Variants in LPP observed in about 807,000 individuals in gnomAD.
LPP encodes the protein lipoma-preferred partner.
In LPP, 38 loss-of-function variants were observed where a neutral mutation model predicts 60.4. The observed-to-expected ratio is 0.63, with a 90% CI of 0.49 to 0.83. LPP has a LOEUF of 0.83. Among genes scored for constraint, LPP ranks in the 40% least tolerant of loss-of-function variants. The probability of loss-of-function intolerance (pLI) is 0.00; values close to 1 mark genes in which losing one functional copy is unlikely to be tolerated. For synonymous variants in LPP, 328 were observed against 290.8 expected (o/e 1.13, Z -1.30); for missense variants, 902 against 783.6 (o/e 1.15, Z -1.80).
At position 188,275,213 on chromosome 3, in the gene LPP, C is replaced by T. The variant is rs575285541; in HGVS notation, c.-67+49686C>T. Among the ~76,000 whole-genome samples the T allele has an allele frequency of 2.6e-5, 4 of 152,284 alleles. No homozygotes were observed. The South Asian group carries it at 8.3e-4, about 32-fold the overall frequency. On this transcript the variant is annotated intron_variant, in intron 2 of 11. Transcript: ENST00000617246. ...ACATAACTGTACAGAGTACATTTCC[C>T]TTGATTCTCTGTTTCCACAGAGAGG... is the stretch of plus-strand genomic sequence containing the variant.
intron 7 of LPP, among the ~76,000 whole-genome samples, chr3:188,627,748 C>T (rs1221361066): frequency 6.6e-6 from 1 of 152,068 alleles, no homozygotes; most frequent in Non-Finnish European, 1.5e-5. Context: ...TGGGACCCAA[C>T]ACTTGACCAA....
intron 6 of LPP, among the ~76,000 whole-genome samples, chr3:188,547,784 G>A (rs1560547651): frequency 6.6e-6 from 1 of 152,086 alleles, no homozygotes; most frequent in African/African-American, 2.4e-5. Context: ...CCGTAGCTGG[G>A]GACTCTGTTC....
intron 1 of LPP, among the ~76,000 whole-genome samples, chr3:188,165,478 TAG>T (rs1719660817): frequency 6.6e-6 from 1 of 152,080 alleles, no homozygotes. Flanking sequence ...CTTGAAAAAT[TAG>T]AGTCATGAAG....
intron 5 of LPP, among the ~76,000 whole-genome samples, chr3:188,508,555 T>C (rs372415963): frequency 6.6e-6 from 1 of 152,230 alleles, no homozygotes; most frequent in Non-Finnish European, 1.5e-5. Flanking sequence ...CAGGGTGCTA[T>C]GAATAATGCC....
intron 6 of LPP, among the ~76,000 whole-genome samples, chr3:188,547,882 G>C (rs957355738): frequency 2.4e-4 from 36 of 152,250 alleles, no homozygotes; most frequent in African/African-American, 7.7e-4. Context: ...TCTGGAGCGT[G>C]GCTGAGCATC....
At chr3:188,479,789 G>A (rs75379608) in intron 4 of LPP, among the ~76,000 whole-genome samples, 144 of 152,324 alleles carry the variant, frequency 9.5e-4, no homozygotes, top group African/African-American at 3.4e-3. Context: ...ATATTTAGAT[G>A]AAGAAGAGCA....
intron 4 of LPP, among the ~76,000 whole-genome samples, chr3:188,421,695 A>G (rs1787854352): frequency 6.6e-6 from 1 of 152,072 alleles, no homozygotes; most frequent in Non-Finnish European, 1.5e-5. Context: ...CAGCTTTTAT[A>G]TTGTGAAAGT....
At position 188,880,914 on chromosome 3, in the gene LPP, AG is replaced by A. The variant is rs1769894259; in HGVS notation, c.*6437del. ...GGGAGGCCAAGGCGGGCCGATCACG[AG>A]GTCAGGAGATCGAGACCATCCTGGC... is the stretch of plus-strand genomic sequence containing the variant. On this transcript the variant is annotated 3_prime_UTR_variant, in exon 12 of 12. Transcript: ENST00000617246. The A allele has an allele frequency of 5.9e-6, 1 of 168,274 alleles. No individual in the cohort carries two copies. The allele number at this position is 168,274 out of a possible 1,614,324, so 10.4% of individuals were successfully genotyped here.
chr3:188,716,957 A>G (rs988342110), intron 8 of LPP, among the ~76,000 whole-genome samples: 3 of 152,218 alleles, frequency 2.0e-5, no homozygotes, highest in Non-Finnish European at 2.9e-5. Flanking sequence ...TTCAACTAAC[A>G]TTTATATAAT....
intron 7 of LPP, among the ~76,000 whole-genome samples, chr3:188,611,117 G>T (rs1334482949): frequency 6.6e-6 from 1 of 152,166 alleles, no homozygotes; most frequent in African/African-American, 2.4e-5. Flanking sequence ...TGTCCTATGT[G>T]AATTTCACAT....
intron 6 of LPP, among the ~76,000 whole-genome samples, chr3:188,548,936 T>A (rs1021798741): frequency 6.6e-6 from 1 of 152,284 alleles, no homozygotes; most frequent in African/African-American, 2.4e-5. Context: ...TAGGAATAGG[T>A]TCTAGTGTTC....
chr3:188,772,164 C>A lies in LPP; in HGVS notation c.1410+11882C>A, dbSNP rs541921298. On this transcript the variant is annotated intron_variant, in intron 9 of 11. Transcript: ENST00000617246. The stretch of plus-strand genomic sequence containing the variant: ...TGTTTGCATTCTTATCTCCCATCAG[C>A]TCTCCTACACATTCTTTTTACAACA... Among the ~76,000 whole-genome samples the A allele has an allele frequency of 2.6e-5, 4 of 152,314 alleles. No homozygotes were observed. In the East Asian group the frequency reaches 7.7e-4, roughly 29 times the overall value.
chr3:188,312,737 T>C (rs889853497), intron 2 of LPP: 1 of 152,180 alleles, frequency 6.6e-6, no homozygotes, highest in Non-Finnish European at 1.5e-5. Context: ...GCTACCTTTA[T>C]TGTATATTAA....
chr3:188,354,081 A>G (rs1393690553), intron 3 of LPP, among the ~76,000 whole-genome samples: 3 of 152,114 alleles, frequency 2.0e-5, no homozygotes, highest in Non-Finnish European at 4.4e-5. Flanking sequence ...TATTCATTAG[A>G]TGACATTCAT....
intron 1 of LPP, among the ~76,000 whole-genome samples, chr3:188,173,921 C>T (rs1189991534): frequency 6.6e-6 from 1 of 152,212 alleles, no homozygotes; most frequent in Non-Finnish European, 1.5e-5. Context: ...CCAGGCTCCT[C>T]CACCTTTCCC....
At chr3:188,416,692 C>A (rs1000734969) in intron 4 of LPP, among the ~76,000 whole-genome samples, 1 of 152,142 alleles carries the variant, frequency 6.6e-6, no homozygotes, top group African/African-American at 2.4e-5. Context: ...AGACACCAAT[C>A]GTTTGCATAT....
chr3:188,839,888 A>G (rs149834982), intron 9 of LPP, among the ~76,000 whole-genome samples: 1 of 152,154 alleles, frequency 6.6e-6, no homozygotes, highest in African/African-American at 2.4e-5. Flanking sequence ...AAAATAAAAT[A>G]AAATTAAATT....
chr3:188,402,410 A>G (rs1578631048), intron 3 of LPP, among the ~76,000 whole-genome samples: 1 of 152,248 alleles, frequency 6.6e-6, no homozygotes, highest in Non-Finnish European at 1.5e-5. Context: ...CTTTATCAAC[A>G]TATTTCATTA....
Position 188,289,103 on chromosome 3 carries a change from A to G in LPP, c.-66-52560A>G, listed in dbSNP as rs1435487965. ...ATTGAGAATAAAGTTTTGAGTGAAAATGGACAACTGAAGCTTCTAAGCTTT... is the reference window on the plus strand; with the variant it reads ...ATTGAGAATAAAGTTTTGAGTGAAAGTGGACAACTGAAGCTTCTAAGCTTT... On this transcript the variant is annotated intron_variant, in intron 2 of 11. Transcript: ENST00000617246. 2.6e-5 allele frequency among the ~76,000 whole-genome samples: 4 copies of G among 152,198 alleles called. No homozygotes were observed. The East Asian group carries it at 7.7e-4, about 29-fold the overall frequency.
Sources: allele counts gnomAD v4.1 joint callset (sites outside exome capture counted in the v4.1 genomes callset), GRCh38; gene constraint gnomAD v4.1.1; transcripts MANE v1.5; gene names NCBI Gene and HGNC (gene_info 2026-07-23, HGNC 2026-07-21).